ARL8B: variants seen among roughly 807,000 people sequenced by gnomAD.
ARL8B encodes the protein ADP-ribosylation factor-like protein 8B.
In ARL8B, 9 loss-of-function variants were observed where a neutral mutation model predicts 30.6. The observed-to-expected ratio is 0.29, with a 90% CI of 0.18 to 0.51. ARL8B has a LOEUF of 0.51. ARL8B is among the 20% of genes least tolerant of loss of function. The probability of loss-of-function intolerance (pLI) is 0.97; values close to 1 mark genes in which losing one functional copy is unlikely to be tolerated. For missense variants in ARL8B, 130 were observed against 227.2 expected, an observed-to-expected ratio of 0.57 and a Z score of 2.75; for synonymous variants, 74 against 76.0, an observed-to-expected ratio of 0.97 and a Z score of 0.14.
intron 1 of ARL8B, among the ~76,000 whole-genome samples, chr3:5,141,168 A>G (rs573585279): frequency 3.3e-5 from 5 of 152,230 alleles, no homozygotes; most frequent in African/African-American, 1.2e-4. Context: ...CATTCTGTTC[A>G]CTTATCATGA....
chr3:5,163,783 T>C (rs1355092817), intron 1 of ARL8B, among the ~76,000 whole-genome samples: 1 of 152,076 alleles, frequency 6.6e-6, no homozygotes, highest in Non-Finnish European at 1.5e-5. Context: ...GGCAGGAGAA[T>C]TGCTTGAACC....
intron 1 of ARL8B, among the ~76,000 whole-genome samples, chr3:5,150,323 C>T (rs58813338): frequency 0.019 from 2,820 of 151,826 alleles, 82 homozygotes; most frequent in African/African-American, 0.065. Context: ...ATTAGCCAGG[C>T]GTGGTGGCAC....
chr3:5,130,764 G>C (rs1014459438), intron 1 of ARL8B, among the ~76,000 whole-genome samples: 2 of 152,034 alleles, frequency 1.3e-5, no homozygotes, highest in African/African-American at 4.8e-5. Context: ...TTGAACTTCT[G>C]ACGTCAAGTG....
At position 5,178,691 on chromosome 3, in the gene ARL8B, A is replaced by T; in HGVS notation, c.539A>T (p.His180Leu). The change falls in exon 7 of 7, where the codon CAT (histidine) becomes CTT (leucine). Residue 180 changes from histidine (H) to leucine (L), a missense_variant. Coordinates refer to ENST00000256496, the MANE Select transcript of ARL8B (RefSeq NM_018184.3). ...IDITLQWLIQ[H>L]SKSRRS ...ATCACACTTCAGTGGCTTATTCAGC[A>T]TTCAAAATCTAGAAGAAGCTGAAGC... 6.2e-7 allele frequency: 1 copy of T among 1,612,626 alleles called. No homozygotes were observed. Among genetic ancestry groups the T allele is most frequent in the Non-Finnish European group, 8.5e-7 (1 of 1,179,232 alleles).
chr3:5,161,674 A>G (rs1258736876), intron 1 of ARL8B, among the ~76,000 whole-genome samples: 2 of 152,232 alleles, frequency 1.3e-5, no homozygotes, highest in Non-Finnish European at 2.9e-5. Context: ...TGTATCTAAT[A>G]TAATCAAAAG....
intron 1 of ARL8B, among the ~76,000 whole-genome samples, chr3:5,135,217 C>T (rs985474329): frequency 2.0e-5 from 3 of 152,108 alleles, no homozygotes; most frequent in Non-Finnish European, 2.9e-5. Flanking sequence ...ATCATCCTTT[C>T]CTCCCATTTC....
intron 1 of ARL8B, among the ~76,000 whole-genome samples, chr3:5,138,766 A>G (rs2291865): frequency 0.37 from 56,967 of 152,032 alleles, 11,756 homozygotes; most frequent in African/African-American, 0.57. Context: ...AACCTGAGAA[A>G]TGTACAGTGA....
chr3:5,125,261 G>A (rs952696414), intron 1 of ARL8B, among the ~76,000 whole-genome samples: 12 of 152,136 alleles, frequency 7.9e-5, no homozygotes, highest in Admixed American at 2.6e-4. Context: ...ATAGGTAGAT[G>A]GTAACTGTTG....
chr3:5,166,349 T>G (rs1413793972), intron 1 of ARL8B, among the ~76,000 whole-genome samples: 3 of 52,258 alleles, frequency 5.7e-5, no homozygotes, highest in Non-Finnish European at 3.3e-5. Context: ...GTATCTTTCG[T>G]TTTTTTTTTT....
At chr3:5,178,237 GTT>G (rs879940677) in intron 6 of ARL8B, among the ~76,000 whole-genome samples, 1 of 142,878 alleles carries the variant, frequency 7.0e-6, no homozygotes, top group African/African-American at 2.5e-5. Context: ...TTCTTTTGCT[GTT>G]TTTTTTTTTT....
intron 1 of ARL8B, 41 bp downstream of exon 1, chr3:5,122,629 A>T: frequency 6.4e-7 from 1 of 1,570,020 alleles, no homozygotes; most frequent in Non-Finnish European, 8.7e-7. Flanking sequence ...CTCCGCAGCC[A>T]GGAGTCCGGC....
At chr3:5,159,093 C>T (rs750970036) in intron 1 of ARL8B, among the ~76,000 whole-genome samples, 55 of 150,144 alleles carry the variant, frequency 3.7e-4, no homozygotes, top group Non-Finnish European at 3.8e-4. Context: ...ACCCTACATG[C>T]GGGCATGCAC....
At chr3:5,163,629 G>A (rs1293078534) in intron 1 of ARL8B, among the ~76,000 whole-genome samples, 1 of 152,192 alleles carries the variant, frequency 6.6e-6, no homozygotes, top group African/African-American at 2.4e-5. Flanking sequence ...AGCACTTTGG[G>A]GAGGCCGAGG....
intron 6 of ARL8B, among the ~76,000 whole-genome samples, chr3:5,177,577 T>A (rs1349239637): frequency 6.6e-6 from 1 of 151,678 alleles, no homozygotes; most frequent in Non-Finnish European, 1.5e-5. Context: ...TGCCTCAGCC[T>A]CCCGAGTAGC....
intron 1 of ARL8B, among the ~76,000 whole-genome samples, chr3:5,167,686 G>A (rs2054635716): frequency 1.3e-5 from 2 of 152,166 alleles, no homozygotes; most frequent in African/African-American, 4.8e-5. Flanking sequence ...ATTTCATTGG[G>A]TTGTTATAAG....
intron 1 of ARL8B, among the ~76,000 whole-genome samples, chr3:5,128,958 T>A (rs1406729634): frequency 6.6e-6 from 1 of 152,232 alleles, no homozygotes; most frequent in Admixed American, 6.5e-5. Flanking sequence ...TTGTGGTATG[T>A]CTTGTGGATA....
intron 1 of ARL8B, among the ~76,000 whole-genome samples, chr3:5,164,610 A>G (rs1272121099): frequency 6.6e-6 from 1 of 152,180 alleles, no homozygotes; most frequent in East Asian, 1.9e-4. Context: ...TTTTCTAAGT[A>G]TGTAGTTTCT....
chr3:5,122,362 A>G lies in ARL8B; in HGVS notation c.-104A>G, dbSNP rs756311854. 22 of 1,566,634 alleles carry G rather than the reference A, an allele frequency of 1.4e-5. No individual in the cohort carries two copies. The East Asian group carries it at 5.0e-4, about 36-fold the overall frequency. On this transcript the variant is annotated 5_prime_UTR_variant, in exon 1 of 7. Coordinates refer to ENST00000256496, the MANE Select transcript of ARL8B (RefSeq NM_018184.3). ...GTGTCCGCCCGTGTCGCGCCGGGGC[A>G]CCAAGGAGCCGTTGGAGGGTCCGGG...
At chr3:5,122,844 C>A (rs933514895) in intron 1 of ARL8B, among the ~76,000 whole-genome samples, 2 of 152,122 alleles carry the variant, frequency 1.3e-5, no homozygotes, top group African/African-American at 2.4e-5. Flanking sequence ...TCCTCAACGC[C>A]GCGGGGGCTC....
Sources: gnomAD v4.1 joint callset for allele counts (sites outside exome capture counted in the v4.1 genomes callset) on GRCh38, gnomAD v4.1.1 for gene constraint, MANE v1.5 for transcripts, NCBI Gene and HGNC (gene_info 2026-07-23, HGNC 2026-07-21) for gene names.